The following LRRC8A variants were observed in gnomAD, a reference collection of about 807,000 sequenced individuals.
The protein encoded by LRRC8A is leucine rich repeat containing 8 VRAC subunit A, also known as volume-regulated anion channel subunit LRRC8A.
A neutral mutation model predicts 52.5 loss-of-function variants in LRRC8A; 24 were observed. That is an observed-to-expected ratio of 0.46 (90% confidence interval 0.33 to 0.64). The LOEUF (loss-of-function observed/expected upper bound fraction) is 0.64. Ranked by LOEUF, LRRC8A falls within the 30% of genes least tolerant of loss-of-function variation. LRRC8A has a pLI of 0.02. For synonymous variants in LRRC8A, 492 were observed against 494.2 expected (o/e 1.00, Z 0.06); for missense variants, 677 against 1,094.7 (o/e 0.62, Z 5.38).
At chr9:128,887,979 C>G (rs948124505) in intron 2 of LRRC8A, among the ~76,000 whole-genome samples, 5 of 152,134 alleles carry the variant, frequency 3.3e-5, no homozygotes, top group Non-Finnish European at 2.9e-5. Flanking sequence ...GTAGATAGAG[C>G]TGTGTGTGGT....
chr9:128,890,752 C>T (rs1232790499), intron 2 of LRRC8A, among the ~76,000 whole-genome samples: 2 of 152,224 alleles, frequency 1.3e-5, no homozygotes, highest in Non-Finnish European at 2.9e-5. Context: ...CTCTAGGGTA[C>T]TGGTGGCCAC....
intron 2 of LRRC8A, among the ~76,000 whole-genome samples, chr9:128,890,166 G>GTGTGTGTGTGTT (rs1028167194): frequency 1.1e-4 from 16 of 151,440 alleles, no homozygotes; most frequent in Admixed American, 2.0e-4. Context: ...GTGTGTGTGT[G>GTGTGTGTGTGTT]TGTGCTGGGA....
intron 3 of LRRC8A, among the ~76,000 whole-genome samples, chr9:128,909,739 C>T (rs1840423576): frequency 6.6e-6 from 1 of 152,192 alleles, no homozygotes; most frequent in South Asian, 2.1e-4. Context: ...TTTGTGTCTT[C>T]CTCAGCTTGT....
At chr9:128,906,366 A>C (rs1358633671) in intron 2 of LRRC8A, among the ~76,000 whole-genome samples, 1 of 106,492 alleles carries the variant, frequency 9.4e-6, no homozygotes. Context: ...CTTGTCGCCC[A>C]GGCTGGAGTG....
intron 3 of LRRC8A, among the ~76,000 whole-genome samples, chr9:128,913,668 C>T (rs1174868169): frequency 6.6e-6 from 1 of 152,206 alleles, no homozygotes; most frequent in Non-Finnish European, 1.5e-5. Flanking sequence ...AGCTCTGCCA[C>T]TCGCTGTCCA....
chr9:128,888,678 G>GC (rs1448327922), intron 2 of LRRC8A, among the ~76,000 whole-genome samples: 1 of 152,132 alleles, frequency 6.6e-6, no homozygotes, highest in Non-Finnish European at 1.5e-5. Context: ...GCCTCGTTTT[G>GC]CGGGGCTGCG....
At chr9:128,914,857 A>C (rs1248199035) in intron 3 of LRRC8A, among the ~76,000 whole-genome samples, 3 of 152,162 alleles carry the variant, frequency 2.0e-5, no homozygotes, top group South Asian at 4.1e-4. Context: ...GGCATACGTG[A>C]GGCTCTTCCT....
In LRRC8A at chr9:128,907,890, G is replaced by A. The variant is rs376505075; in HGVS notation, c.726G>A (p.Ala242=). 37 of 1,614,130 alleles carry A rather than the reference G, an allele frequency of 2.3e-5. No homozygotes were observed. Among genetic ancestry groups the A allele is most frequent in the East Asian group, 2.2e-4 (10 of 44,874 alleles). ...LDKKEGEQAK[A]LFEKVKKFRT... Reference sequence around the variant, plus strand: ...AGAAGGAGGGGGAGCAAGCCAAGGCGCTGTTTGAGAAGGTGAAGAAGTTCC... The same window carrying A: ...AGAAGGAGGGGGAGCAAGCCAAGGCACTGTTTGAGAAGGTGAAGAAGTTCC... Residue 242 remains alanine, a synonymous_variant, in exon 3 of 4, where the codon GCG becomes GCA. Transcript: ENST00000372600. The surrounding 1 kb of genome is among the most constrained non-coding windows in gnomAD (Gnocchi z 9.3).
At chr9:128,890,014 G>A (rs1259685236) in intron 2 of LRRC8A, among the ~76,000 whole-genome samples, 1 of 151,976 alleles carries the variant, frequency 6.6e-6, no homozygotes, top group African/African-American at 2.4e-5. Flanking sequence ...TGTTGGTCAG[G>A]CTGGTCTCGA....
At chr9:128,915,508 G>T (rs1485064997) in intron 3 of LRRC8A, among the ~76,000 whole-genome samples, 1 of 152,128 alleles carries the variant, frequency 6.6e-6, no homozygotes, top group Admixed American at 6.5e-5. Context: ...TGTATTTTTA[G>T]TAGAGACGGG....
intron 3 of LRRC8A, among the ~76,000 whole-genome samples, chr9:128,912,286 G>T (rs1342706448): frequency 6.6e-6 from 1 of 152,200 alleles, no homozygotes; most frequent in African/African-American, 2.4e-5. Flanking sequence ...CGGGGACATG[G>T]GGATGAAGAA....
intron 2 of LRRC8A, among the ~76,000 whole-genome samples, chr9:128,887,085 G>T (rs928342066): frequency 4.0e-5 from 6 of 151,898 alleles, no homozygotes; most frequent in Admixed American, 3.9e-4. Context: ...TCCCAGCCTG[G>T]ATTTTAAAAG....
Position 128,907,176 on chromosome 9 carries a change from G to A in LRRC8A, c.12G>A (p.Val4=), listed in dbSNP as rs1840286443. 6.2e-7 allele frequency: 1 copy of A among 1,607,488 alleles called. No homozygotes were observed. Among genetic ancestry groups the A allele is most frequent in the South Asian group, 1.1e-5 (1 of 90,970 alleles). Residue 4 remains valine (V), a synonymous_variant, in exon 3 of 4, where the codon GTG becomes GTA. Coordinates refer to ENST00000372600, the MANE Select transcript of LRRC8A (RefSeq NM_019594.4). The surrounding 1 kb of genome is among the most constrained non-coding windows in gnomAD (Gnocchi z 9.3). ...TTTTAGGTTGAACCATGATTCCGGT[G>A]ACAGAGCTCCGCTACTTTGCGGACA... MIP[V]TELRYFADTQ...
At chr9:128,910,615 A>C (rs868276047) in intron 3 of LRRC8A, among the ~76,000 whole-genome samples, 1 of 152,156 alleles carries the variant, frequency 6.6e-6, no homozygotes, top group South Asian at 2.1e-4. Flanking sequence ...GCTTCAGCCT[A>C]GGAGTTCAAG....
intron 2 of LRRC8A, among the ~76,000 whole-genome samples, chr9:128,893,279 G>A (rs921868088): frequency 2.0e-5 from 3 of 152,224 alleles, no homozygotes; most frequent in Admixed American, 2.0e-4. Flanking sequence ...TTGAGGCTCC[G>A]CCCTCACCCA....
chr9:128,887,837 GT>G (rs763326150), intron 2 of LRRC8A, among the ~76,000 whole-genome samples: 2 of 151,834 alleles, frequency 1.3e-5, no homozygotes, highest in Non-Finnish European at 2.9e-5. Context: ...TAGAGACGGG[GT>G]TTCACCATGT....
In LRRC8A at chr9:128,908,916, C is replaced by T. The variant is rs1296454820; in HGVS notation, c.1752C>T (p.Leu584=). The change falls in exon 3 of 4, where the codon CTC becomes CTT. Residue 584 remains leucine (L), a synonymous_variant. Transcript: ENST00000372600. ...ATGAGGGCACCAAGCTCATCGTCCT[C>T]AACAGCCTCAAGAAGATGGCGAACC... ...INNEGTKLIV[L]NSLKKMANLT... 6.2e-7 allele frequency: 1 copy of T among 1,614,036 alleles called. No homozygotes were observed. Among genetic ancestry groups the T allele is most frequent in the Admixed American group, 1.7e-5 (1 of 60,014 alleles).
Position 128,912,287 on chromosome 9 carries a change from G to A in LRRC8A, c.2157+2966G>A, listed in dbSNP as rs117965735. On this transcript the variant is annotated intron_variant, in intron 3 of 3. Coordinates refer to ENST00000372600, the MANE Select transcript of LRRC8A (RefSeq NM_019594.4). ...ATGGAGCAAGGCGCCGGGGACATGG[G>A]GATGAAGAAGGCCAAGTAACGAGGC... is the stretch of plus-strand genomic sequence containing the variant. Among the ~76,000 whole-genome samples the A allele has an allele frequency of 3.6e-3, 552 of 152,334 alleles. 7 individuals carry two copies. In the East Asian group the frequency reaches 0.042, roughly 12 times the overall value.
Position 128,908,052 on chromosome 9 carries a change from C to T in LRRC8A, c.888C>T (p.Thr296=), listed in dbSNP as rs571849842. Residue 296 remains threonine, a synonymous_variant, in exon 3 of 4, where the codon ACC becomes ACT. Coordinates refer to ENST00000372600, the MANE Select transcript of LRRC8A (RefSeq NM_019594.4). The stretch of plus-strand genomic sequence containing the variant: ...ACATCAAGTTCGACGTGGACTGCAC[C>T]GTGGACATTGAGAGCCTGACGGGCT... The part of the protein sequence containing the change: ...VHNIKFDVDC[T]VDIESLTGYR... 22 of 1,613,934 alleles carry T rather than the reference C, an allele frequency of 1.4e-5. No individual in the cohort carries two copies. Among genetic ancestry groups the T allele is most frequent in the African/African-American group, 6.7e-5 (5 of 74,910 alleles).
Sources: gnomAD v4.1 joint callset for allele counts (sites outside exome capture counted in the v4.1 genomes callset) on GRCh38, gnomAD v4.1.1 for gene constraint, Gnocchi (gnomAD v3.1) non-coding constraint, MANE v1.5 for transcripts, NCBI Gene and HGNC (gene_info 2026-07-23, HGNC 2026-07-21) for gene names.